Variants in PCDH15 observed in about 807,000 individuals in gnomAD.
PCDH15 encodes protocadherin related 15.
Under a neutral mutation model 178.5 loss-of-function variants are expected in PCDH15, and 129 were observed. The observed-to-expected ratio is 0.72, with a 90% CI of 0.63 to 0.84. The LOEUF is 0.84. PCDH15 is among the 40% of genes least tolerant of loss of function. PCDH15 has a pLI of 0.00. For missense variants in PCDH15, 2,230 were observed against 2,099.9 expected (o/e 1.06, Z -1.21); for synonymous variants, 800 against 732.0 (o/e 1.09, Z -1.50).
intron 2 of PCDH15, among the ~76,000 whole-genome samples, chr10:54,543,136 G>A (rs1232616511): frequency 6.6e-6 from 1 of 152,134 alleles, no homozygotes; most frequent in Non-Finnish European, 1.5e-5. Context: ...CCCACTCCAA[G>A]GGAAAACCAT....
intron 2 of PCDH15, among the ~76,000 whole-genome samples, chr10:55,569,476 T>C (rs888585266): frequency 2.0e-5 from 3 of 151,900 alleles, no homozygotes; most frequent in African/African-American, 7.2e-5. Context: ...GAAAGGTTAA[T>C]TACTCAAAAA....
chr10:54,991,360 C>A (rs980514930), intron 2 of PCDH15, among the ~76,000 whole-genome samples: 2 of 152,060 alleles, frequency 1.3e-5, no homozygotes, highest in African/African-American at 4.8e-5. Context: ...AGGAAAAGTT[C>A]TTTTCTCAAC....
chr10:53,898,500 C>T (rs2082118527), intron 26 of PCDH15, among the ~76,000 whole-genome samples: 1 of 152,154 alleles, frequency 6.6e-6, no homozygotes, highest in Admixed American at 6.6e-5. Flanking sequence ...TAACGGAAAT[C>T]AACTTCGTAG....
intron 26 of PCDH15, among the ~76,000 whole-genome samples, chr10:53,876,626 A>C (rs1347855613): frequency 9.4e-5 from 2 of 21,264 alleles, no homozygotes; most frequent in Non-Finnish European, 1.3e-4. Context: ...AACTTTTGCA[A>C]AAAAAAAAAA....
At chr10:53,978,644 C>T (rs908788441) in intron 21 of PCDH15, among the ~76,000 whole-genome samples, 3 of 139,286 alleles carry the variant, frequency 2.2e-5, no homozygotes. Context: ...ACTGGAATTC[C>T]TCTCCAGAAA....
At chr10:54,642,755 T>C (rs993184546) in intron 2 of PCDH15, among the ~76,000 whole-genome samples, 1 of 152,166 alleles carries the variant, frequency 6.6e-6, no homozygotes, top group Non-Finnish European at 1.5e-5. Flanking sequence ...TGAAAATTTA[T>C]TGAATATAAA....
chr10:54,447,161 G>A (rs12217935), intron 3 of PCDH15, among the ~76,000 whole-genome samples: 4 of 151,502 alleles, frequency 2.6e-5, no homozygotes, highest in African/African-American at 4.8e-5. Flanking sequence ...GTTTGGTTTC[G>A]ACTGAGCATC....
intron 2 of PCDH15, among the ~76,000 whole-genome samples, chr10:54,658,250 C>T: frequency 6.6e-6 from 1 of 151,892 alleles, no homozygotes; most frequent in Non-Finnish European, 1.5e-5. Flanking sequence ...CTCATCTTGT[C>T]AGAGAGGAGG....
chr10:55,257,602 C>T (rs1842033519), intron 1 of PCDH15, among the ~76,000 whole-genome samples: 1 of 152,024 alleles, frequency 6.6e-6, no homozygotes, highest in Non-Finnish European at 1.5e-5. Context: ...CTGATTCAAT[C>T]AACTGGAAGA....
intron 1 of PCDH15, among the ~76,000 whole-genome samples, chr10:55,261,378 A>G (rs866507249): frequency 1.4e-4 from 21 of 152,334 alleles, no homozygotes; most frequent in African/African-American, 5.1e-4. Flanking sequence ...TTTAGGGCAC[A>G]GCCATCATGT....
chr10:55,622,017 A>T (rs1183752902), intron 2 of PCDH15, among the ~76,000 whole-genome samples: 7 of 141,804 alleles, frequency 4.9e-5, no homozygotes, highest in Admixed American at 4.4e-4. Context: ...ATATATAATA[A>T]ATATTTATAT....
chr10:53,994,101 A>T (rs539519198), intron 21 of PCDH15, among the ~76,000 whole-genome samples: 1 of 152,348 alleles, frequency 6.6e-6, no homozygotes, highest in East Asian at 1.9e-4. Flanking sequence ...TAAGTAATTT[A>T]TCTTCTTTAT....
chr10:53,967,995 G>A (rs180887758), intron 21 of PCDH15, among the ~76,000 whole-genome samples: 162 of 152,176 alleles, frequency 1.1e-3, no homozygotes, highest in African/African-American at 3.2e-3. Context: ...CTGAGGTACC[G>A]GGTTCATCTC....
chr10:54,830,772 G>T (rs1195958092), intron 3 of PCDH15, among the ~76,000 whole-genome samples: 3 of 149,410 alleles, frequency 2.0e-5, no homozygotes, highest in African/African-American at 7.4e-5. Context: ...ATTCCAAAAA[G>T]CAAAAAAAAG....
intron 2 of PCDH15, among the ~76,000 whole-genome samples, chr10:55,004,318 G>T (rs1049800069): frequency 1.3e-5 from 2 of 152,098 alleles, no homozygotes; most frequent in Admixed American, 6.5e-5. Flanking sequence ...TGAGAAATTG[G>T]TAAACAGCAA....
chr10:54,929,082 T>C (rs1416978398), intron 2 of PCDH15, among the ~76,000 whole-genome samples: 2 of 152,214 alleles, frequency 1.3e-5, no homozygotes, highest in East Asian at 3.9e-4. Context: ...TCTTTGATGT[T>C]GCTCACCATT....
intron 1 of PCDH15, among the ~76,000 whole-genome samples, chr10:55,275,117 T>C (rs1240028260): frequency 6.6e-6 from 1 of 152,136 alleles, no homozygotes; most frequent in East Asian, 1.9e-4. Context: ...TAACATATTC[T>C]GACCCCTCCA....
At chr10:54,937,422 T>G (rs1267542215) in intron 2 of PCDH15, among the ~76,000 whole-genome samples, 1 of 152,058 alleles carries the variant, frequency 6.6e-6, no homozygotes, top group East Asian at 1.9e-4. Flanking sequence ...GCCATCTTAA[T>G]GATATTAAAT....
chr10:55,567,844 GA>G lies in PCDH15; in HGVS notation c.-156+59780del, dbSNP rs1001405280. On this transcript the variant is annotated intron_variant, in intron 2 of 5. Coordinates refer to the PCDH15 transcript ENST00000613346. Reference sequence around the variant, plus strand: ...CGTTGGCACATTACCCATCAGACATGAAAAAAAAAACTACAATGAGATACCA... The same window carrying G: ...CGTTGGCACATTACCCATCAGACATGAAAAAAAAACTACAATGAGATACCA... 1.3e-4 allele frequency among the ~76,000 whole-genome samples: 19 copies of G among 147,584 alleles called. No homozygotes were observed. The South Asian group carries it at 1.5e-3, about 12-fold the overall frequency.
Sources: allele counts gnomAD v4.1 joint callset (sites outside exome capture counted in the v4.1 genomes callset), GRCh38; gene constraint gnomAD v4.1.1; transcripts MANE v1.5; gene names NCBI Gene and HGNC (gene_info 2026-07-23, HGNC 2026-07-21).